Variants in FGF13 observed in about 807,000 individuals in gnomAD.
FGF13 encodes fibroblast growth factor 13.
Under a neutral mutation model 19.5 loss-of-function variants are expected in FGF13, and 2 were observed. The ratio of observed to expected loss-of-function variants is 0.10; its 90% CI spans 0.04 to 0.32. FGF13 has a LOEUF of 0.32. Among genes scored for constraint, FGF13 ranks in the 10% least tolerant of loss-of-function variants. FGF13 has a pLI of 1.00. For missense variants in FGF13, 113 were observed against 192.7 expected, an observed-to-expected ratio of 0.59 and a Z score of 2.45; for synonymous variants, 72 against 76.9, an observed-to-expected ratio of 0.94 and a Z score of 0.33.
chrX:138,752,155 G>T (rs1158508279), intron 3 of FGF13, among the ~76,000 whole-genome samples: 1 of 111,863 alleles, frequency 8.9e-6, no homozygotes, highest in Non-Finnish European at 1.9e-5. Flanking sequence ...GGCCAGGCGC[G>T]GTGACTCACA....
chrX:138,704,385 C>T (rs2089975563), intron 2 of FGF13, among the ~76,000 whole-genome samples: 1 of 112,155 alleles, frequency 8.9e-6, no homozygotes, highest in Admixed American at 9.5e-5. Context: ...TTGCCACACA[C>T]ATCTTTTGAA....
At chrX:138,797,093 C>A (rs2090784767) in intron 3 of FGF13, among the ~76,000 whole-genome samples, 1 of 111,849 alleles carries the variant, frequency 8.9e-6, no homozygotes, top group Non-Finnish European at 1.9e-5. Flanking sequence ...GCTTTTGTTG[C>A]AATTGCTTTT....
rs2088991334 is a variant in FGF13 at position 138,618,915 on chromosome X, A to T, written c.*13935T>A. On this transcript the variant is annotated 3_prime_UTR_variant, in exon 5 of 5. Coordinates refer to ENST00000315930, the MANE Select transcript of FGF13 (RefSeq NM_004114.5). ...TGCAAGAGTCTTAGTATCCCCAGTC[A>T]GGCTAACTGGTATAACTGTTTCTCT... The T allele has an allele frequency of 9.0e-6, 1 of 111,640 alleles. No homozygotes were observed. The allele number at this position is 111,640 out of a possible 1,213,427, so 9.2% of individuals were successfully genotyped here. A position where few individuals can be genotyped will look rare whatever the true frequency, so the allele number is the denominator to read the frequency against.
At chrX:138,794,333 T>C (rs925744561) in intron 3 of FGF13, among the ~76,000 whole-genome samples, 5 of 111,849 alleles carry the variant, frequency 4.5e-5, no homozygotes, top group East Asian at 2.8e-4. Flanking sequence ...AGCAAAACTA[T>C]ACAAGTTGCC....
chrX:139,048,760 T>C (rs2092295580), intron 1 of FGF13, among the ~76,000 whole-genome samples: 1 of 111,015 alleles, frequency 9.0e-6, no homozygotes, highest in Admixed American at 9.7e-5. Flanking sequence ...TAATATATAT[T>C]TTGCACCAAG....
chrX:138,910,667 A>G (rs192325197), intron 1 of FGF13, among the ~76,000 whole-genome samples: 479 of 112,382 alleles, frequency 4.3e-3, no homozygotes, highest in Non-Finnish European at 7.1e-3. Flanking sequence ...CTCTATGGAA[A>G]CCCAGGTGAG....
chrX:138,802,268 G>A (rs1262543907), intron 3 of FGF13, among the ~76,000 whole-genome samples: 1 of 112,104 alleles, frequency 8.9e-6, no homozygotes, highest in Non-Finnish European at 1.9e-5. Flanking sequence ...CTGGCCTGTG[G>A]ATTGCAAAAA....
intron 1 of FGF13, among the ~76,000 whole-genome samples, chrX:138,900,456 T>C (rs1462620556): frequency 1.8e-5 from 2 of 110,297 alleles, no homozygotes; most frequent in Non-Finnish European, 3.8e-5. Flanking sequence ...CACCCTCAAT[T>C]CCAATCCACC....
At chrX:138,939,388 A>C (rs2091747476) in intron 1 of FGF13, among the ~76,000 whole-genome samples, 1 of 112,118 alleles carries the variant, frequency 8.9e-6, no homozygotes, top group Admixed American at 9.5e-5. Context: ...CAGCTTTTTA[A>C]ATTTAATTTT....
chrX:139,081,339 C>A, intron 1 of FGF13, among the ~76,000 whole-genome samples: 1 of 111,484 alleles, frequency 9.0e-6, no homozygotes, highest in African/African-American at 3.3e-5. Context: ...ATATCTATAC[C>A]CATCAGCCAC....
intron 1 of FGF13, among the ~76,000 whole-genome samples, chrX:139,017,867 C>A (rs1375501112): frequency 9.0e-6 from 1 of 111,608 alleles, no homozygotes; most frequent in Non-Finnish European, 1.9e-5. Flanking sequence ...GGGAGAGAGA[C>A]AGGCCAGGGT....
chrX:139,069,616 A>T (rs908831046), intron 1 of FGF13, among the ~76,000 whole-genome samples: 9 of 106,333 alleles, frequency 8.5e-5, no homozygotes, highest in African/African-American at 1.7e-4. Flanking sequence ...AGTATAATTT[A>T]AAAAAAAAAA....
chrX:138,686,609 AC>A (rs2089785389), intron 3 of FGF13, among the ~76,000 whole-genome samples: 1 of 111,928 alleles, frequency 8.9e-6, no homozygotes, highest in Non-Finnish European at 1.9e-5. Flanking sequence ...ATCTTAATAT[AC>A]TTACGCCTCT....
intron 1 of FGF13, among the ~76,000 whole-genome samples, chrX:139,098,657 A>C (rs2083486789): frequency 9.0e-6 from 1 of 111,688 alleles, no homozygotes; most frequent in African/African-American, 3.3e-5. Context: ...GCATGTTGTC[A>C]CTTGTAAGTG....
chrX:138,894,173 C>T (rs969080245), intron 1 of FGF13, among the ~76,000 whole-genome samples: 8 of 109,600 alleles, frequency 7.3e-5, no homozygotes, highest in African/African-American at 2.7e-4. Flanking sequence ...TTCAAAATGC[C>T]CCGGGTCTCG....
chrX:138,790,067 A>C (rs985136451), intron 3 of FGF13, among the ~76,000 whole-genome samples: 22 of 94,924 alleles, frequency 2.3e-4, no homozygotes, highest in Admixed American at 7.9e-4. Flanking sequence ...AAAAAAAAAA[A>C]AAACAAACAC....
Position 138,904,006 on chromosome X carries a change from C to G in FGF13, c.-112-39356G>C, listed in dbSNP as rs187745233. On this transcript the variant is annotated intron_variant, in intron 1 of 2. Transcript: ENST00000421460. The stretch of plus-strand genomic sequence containing the variant: ...ATGTATAAATGGATAGAGATTGATT[C>G]TCTAGGTGAAAGTTTCTAGCTATAT... Among the ~76,000 whole-genome samples the G allele has an allele frequency of 2.2e-3, 243 of 111,400 alleles. 1 individual carries two copies. Among genetic ancestry groups the G allele is most frequent in the Non-Finnish European group, 3.7e-3 (194 of 53,073 alleles).
intron 3 of FGF13, among the ~76,000 whole-genome samples, chrX:138,640,757 T>C (rs147278800): frequency 8.0e-5 from 9 of 112,074 alleles, no homozygotes; most frequent in Admixed American, 2.8e-4. Flanking sequence ...CTGATGCAAA[T>C]AAGTAATTTG....
chrX:138,818,551 T>G (rs911514870), intron 3 of FGF13, among the ~76,000 whole-genome samples: 7 of 98,280 alleles, frequency 7.1e-5, no homozygotes, highest in African/African-American at 2.6e-4. Flanking sequence ...CACACTCATA[T>G]GCTAGAAAGG....
Sources: allele counts gnomAD v4.1 joint callset (sites outside exome capture counted in the v4.1 genomes callset), GRCh38; gene constraint gnomAD v4.1.1; transcripts MANE v1.5; gene names NCBI Gene and HGNC (gene_info 2026-07-23, HGNC 2026-07-21).